The following ACOT9 variants were observed in gnomAD, a reference collection of about 807,000 sequenced individuals.
ACOT9 encodes the protein acyl-CoA thioesterase 9, also known as acyl-coenzyme A thioesterase 9, mitochondrial.
In ACOT9, 34 loss-of-function variants were observed where a neutral mutation model predicts 39.7. The ratio of observed to expected loss-of-function variants is 0.86; its 90% CI spans 0.65 to 1.14. The LOEUF is 1.14. Among genes scored for constraint, ACOT9 ranks in the 50% most tolerant of loss-of-function variants. The pLI, the probability that ACOT9 is intolerant of heterozygous loss-of-function variation, is 0.00. For synonymous variants in ACOT9, 110 were observed against 120.5 expected, an observed-to-expected ratio of 0.91 and a Z score of 0.57; for missense variants, 313 against 344.1, an observed-to-expected ratio of 0.91 and a Z score of 0.71.
In ACOT9 at chrX:23,732,774, T is replaced by C. The variant is rs1444874579; in HGVS notation, c.191+398A>G. Among the ~76,000 whole-genome samples, 6 of 111,250 alleles carry C rather than the reference T, an allele frequency of 5.4e-5. No individual in the cohort carries two copies. The South Asian group carries it at 1.1e-3, about 21-fold the overall frequency. On this transcript the variant is annotated intron_variant, in intron 4 of 15. Coordinates refer to ENST00000379303, the MANE Select transcript of ACOT9 (RefSeq NM_001037171.2). The stretch of plus-strand genomic sequence containing the variant: ...GACAAGAAGCAATAAAGGAGTCAAG[T>C]TGCATGAAACAGAGAAACTTAGCGA...
intron 6 of ACOT9, among the ~76,000 whole-genome samples, chrX:23,729,131 G>A (rs868506425): frequency 1.9e-4 from 21 of 111,419 alleles, no homozygotes; most frequent in Middle Eastern, 9.2e-3. Flanking sequence ...TTACAGTGAA[G>A]AACAGTGGCA....
chrX:23,713,618 A>C (rs1928980497), intron 8 of ACOT9, among the ~76,000 whole-genome samples: 1 of 109,249 alleles, frequency 9.2e-6, no homozygotes, highest in Non-Finnish European at 1.9e-5. Context: ...AAAGAAGAGA[A>C]GCACTCTCAT....
chrX:23,740,762 A>ACC (rs1555941666), intron 1 of ACOT9, among the ~76,000 whole-genome samples: 37 of 87,626 alleles, frequency 4.2e-4, no homozygotes, highest in Non-Finnish European at 8.2e-4. Context: ...ACACACACAC[A>ACC]CCGCACTGAG....
chrX:23,723,730 T>C (rs1317100894), intron 6 of ACOT9, among the ~76,000 whole-genome samples: 1 of 110,523 alleles, frequency 9.0e-6, no homozygotes, highest in African/African-American at 3.3e-5. Flanking sequence ...ACTTGTTGAG[T>C]AAGTGTAAAT....
chrX:23,735,216 G>A (rs1601822122), intron 2 of ACOT9, among the ~76,000 whole-genome samples: 2 of 78,758 alleles, frequency 2.5e-5, no homozygotes, highest in African/African-American at 1.1e-4. Flanking sequence ...ACTCCAGCCT[G>A]GGTGACAGAG....
intron 4 of ACOT9, among the ~76,000 whole-genome samples, chrX:23,731,474 C>CAA (rs59649997): frequency 2.9e-5 from 2 of 68,730 alleles, no homozygotes; most frequent in East Asian, 4.6e-4. Context: ...AAGACTGTCT[C>CAA]AAAAAAAAAA....
intron 1 of ACOT9, among the ~76,000 whole-genome samples, chrX:23,738,964 G>A (rs755578232): frequency 5.1e-5 from 3 of 58,307 alleles, no homozygotes; most frequent in South Asian, 1.4e-3. Context: ...ACAGTATAGG[G>A]GTTAACCCAA....
chrX:23,743,044 G>T, intron 1 of ACOT9, 81 bp downstream of exon 1: 1 of 1,064,928 alleles, frequency 9.4e-7, no homozygotes. Context: ...TCTTCCGCCG[G>T]GGCCAGCCCG....
intron 5 of ACOT9, 111 bp downstream of exon 5, chrX:23,730,705 C>G: frequency 2.1e-6 from 2 of 969,298 alleles, no homozygotes; most frequent in Non-Finnish European, 2.9e-6. Flanking sequence ...ATATCAAAAC[C>G]ATGGAACTGT....
In ACOT9 at chrX:23,705,574, C is replaced by A. The variant is rs1019228104; in HGVS notation, c.954G>T (p.Arg318=). 12 of 1,208,441 alleles carry A rather than the reference C, an allele frequency of 9.9e-6. No homozygotes were observed. In the Admixed American group the frequency reaches 1.3e-4, roughly 13 times the overall value. ...TCCTCATAAGGAAACCACCAAAGAT[C>A]CGATTGAAAATGTTCCGCTCCTACA... ...CHPQERNIFN[R]IFGGFLMRKA... Residue 318 remains arginine (R), a synonymous_variant, in exon 13 of 16, where the codon CGG becomes CGT. Coordinates refer to ENST00000379303, the MANE Select transcript of ACOT9 (RefSeq NM_001037171.2).
chrX:23,714,496 G>A (rs1035087728), intron 8 of ACOT9, among the ~76,000 whole-genome samples: 2 of 111,503 alleles, frequency 1.8e-5, no homozygotes, highest in African/African-American at 6.5e-5. Context: ...TTGAACTCTG[G>A]GATTAGGAAT....
At position 23,723,364 on chromosome X, in the gene ACOT9, C is replaced by T. The variant is rs1206374238; in HGVS notation, c.401-611G>A. ...GGGCGCGGCGGCTCAGCCTGTAATC[C>T]CAGCACTTTGGGAGGCCAAGGCAGG... On this transcript the variant is annotated intron_variant, in intron 6 of 15. Transcript: ENST00000379303. Among the ~76,000 whole-genome samples, 5 of 111,060 alleles carry T rather than the reference C, an allele frequency of 4.5e-5. No individual in the cohort carries two copies. In the South Asian group the frequency reaches 1.5e-3, roughly 33 times the overall value.
intron 6 of ACOT9, among the ~76,000 whole-genome samples, chrX:23,729,072 C>G (rs1009413894): frequency 2.4e-3 from 46 of 19,079 alleles, no homozygotes; most frequent in African/African-American, 0.023. Flanking sequence ...TACCTGCCAC[C>G]CCCCCCCACA....
At chrX:23,706,811 T>G in intron 10 of ACOT9, 72 bp from the exon 11 acceptor site, 1 of 611,543 alleles carries the variant, frequency 1.6e-6, no homozygotes, top group Admixed American at 3.4e-5. Flanking sequence ...TGACCTGGGA[T>G]GCCTTTCAAA....
intron 1 of ACOT9, among the ~76,000 whole-genome samples, chrX:23,739,006 C>T (rs1930041805): frequency 8.9e-6 from 1 of 112,158 alleles, no homozygotes; most frequent in South Asian, 3.7e-4. Context: ...GCCTGTAATG[C>T]CAACACTTTG....
intron 9 of ACOT9, among the ~76,000 whole-genome samples, chrX:23,712,542 C>T (rs1474352022): frequency 9.1e-6 from 1 of 109,302 alleles, no homozygotes; most frequent in African/African-American, 3.3e-5. Flanking sequence ...AGGTATAATT[C>T]GCATACCACA....
intron 6 of ACOT9, among the ~76,000 whole-genome samples, chrX:23,727,117 G>T (rs1929560091): frequency 8.9e-6 from 1 of 112,438 alleles, no homozygotes; most frequent in African/African-American, 3.2e-5. Flanking sequence ...ACCCTGCCCG[G>T]CCTATTTTTC....
intron 9 of ACOT9, among the ~76,000 whole-genome samples, chrX:23,709,520 G>A (rs1928822202): frequency 8.9e-6 from 1 of 112,524 alleles, no homozygotes; most frequent in African/African-American, 3.2e-5. Flanking sequence ...GGCCACAGCA[G>A]GTCAGCTGGG....
Position 23,704,738 on chromosome X carries a change from ATGAACG to A in ACOT9, c.1208_1213del (p.Thr403_Phe404del), listed in dbSNP as rs1165325580. ...AACCAATGGCACTTCTTTTTCCGAC[ATGAACG>A]TGAAATGAAAGACATTGGTGGTTGT... On this transcript the variant is annotated inframe_deletion, in exon 15 of 16. Transcript: ENST00000379303. 2 of 1,211,653 alleles carry A rather than the reference ATGAACG, an allele frequency of 1.7e-6. No individual in the cohort carries two copies. The highest frequency in any genetic ancestry group is 2.2e-6 in the Non-Finnish European group (2 of 895,343).
Sources: gnomAD v4.1 joint callset for allele counts (sites outside exome capture counted in the v4.1 genomes callset) on GRCh38, gnomAD v4.1.1 for gene constraint, MANE v1.5 for transcripts, NCBI Gene and HGNC (gene_info 2026-07-23, HGNC 2026-07-21) for gene names.